The following SMCHD1 variants were observed in gnomAD, a reference collection of about 807,000 sequenced individuals.
SMCHD1 encodes the protein structural maintenance of chromosomes flexible hinge domain containing 1.
In SMCHD1, 78 loss-of-function variants were observed where a neutral mutation model predicts 254.7. The observed-to-expected ratio is 0.31, with a 90% CI of 0.26 to 0.37. The LOEUF (loss-of-function observed/expected upper bound fraction) is 0.37, where lower values mean the gene tolerates loss of function less well. SMCHD1 is among the 10% of genes least tolerant of loss of function. The probability of loss-of-function intolerance (pLI) is 1.00; values close to 1 mark genes in which losing one functional copy is unlikely to be tolerated. For missense variants in SMCHD1, 1,840 were observed against 2,408.1 expected, an observed-to-expected ratio of 0.76 and a Z score of 4.94; for synonymous variants, 766 against 794.9, an observed-to-expected ratio of 0.96 and a Z score of 0.61.
At chr18:2,788,944 T>G (rs1038457973) in intron 45 of SMCHD1, among the ~76,000 whole-genome samples, 3 of 152,234 alleles carry the variant, frequency 2.0e-5, no homozygotes, top group African/African-American at 7.2e-5. Context: ...GAAACATGCC[T>G]AAGCAAACAA....
chr18:2,768,665 A>ACTATATACTAC (rs2075916845), intron 37 of SMCHD1, among the ~76,000 whole-genome samples: 1 of 119,226 alleles, frequency 8.4e-6, no homozygotes, highest in Non-Finnish European at 1.9e-5. Flanking sequence ...AGTATAGTAT[A>ACTATATACTAC]TAGTGTACTA....
chr18:2,747,398 A>T (rs912906891), intron 29 of SMCHD1, 124 bp from the exon 30 acceptor site: 35 of 802,278 alleles, frequency 4.4e-5, no homozygotes, highest in Middle Eastern at 8.2e-4. Context: ...ATTTTCATTG[A>T]CCAAAGAAGC....
At chr18:2,736,840 G>A (rs1307844075) in intron 25 of SMCHD1, among the ~76,000 whole-genome samples, 1 of 152,176 alleles carries the variant, frequency 6.6e-6, no homozygotes, top group South Asian at 2.1e-4. Flanking sequence ...GAGCAGTTTG[G>A]AGATTTCTCA....
At chr18:2,698,342 T>G (rs1455876139) in intron 10 of SMCHD1, among the ~76,000 whole-genome samples, 1 of 152,190 alleles carries the variant, frequency 6.6e-6, no homozygotes, top group South Asian at 2.1e-4. Context: ...TTATCCTTGT[T>G]GCAGTTTTAC....
Position 2,771,540 on chromosome 18 carries a change from T to C in SMCHD1, c.4974T>C (p.Val1658=). 1 of 1,561,416 alleles carries C rather than the reference T, an allele frequency of 6.4e-7. No homozygotes were observed. The highest frequency in any genetic ancestry group is 8.6e-7 in the Non-Finnish European group (1 of 1,165,508). Reference sequence around the variant, plus strand: ...TTTGGTTTTTTATTTTAGGTCAAGTTGAAGAAGCAAGATTAAAAGAGGCCC... The same window carrying C: ...TTTGGTTTTTTATTTTAGGTCAAGTCGAAGAAGCAAGATTAAAAGAGGCCC... The part of the protein sequence containing the change: ...QQLLNEMKCQ[V]EEARLKEAQL... Residue 1658 remains valine, a synonymous_variant, in exon 40 of 48, where the codon GTT becomes GTC. Transcript: ENST00000320876.
chr18:2,770,822 T>A (rs2075966983), intron 39 of SMCHD1, among the ~76,000 whole-genome samples: 1 of 152,092 alleles, frequency 6.6e-6, no homozygotes, highest in South Asian at 2.1e-4. Flanking sequence ...GGTTTCACCA[T>A]GTTGGCCGGG....
intron 29 of SMCHD1, among the ~76,000 whole-genome samples, chr18:2,745,012 T>G (rs978210096): frequency 8.5e-5 from 13 of 152,162 alleles, no homozygotes; most frequent in African/African-American, 2.9e-4. Flanking sequence ...CCTGGCTAAT[T>G]TTGTATTTTA....
chr18:2,719,385 T>A (rs1289824555), intron 19 of SMCHD1, among the ~76,000 whole-genome samples: 1 of 151,510 alleles, frequency 6.6e-6, no homozygotes, highest in African/African-American at 2.4e-5. Flanking sequence ...AACCTCTGCC[T>A]CCCAGGTTCA....
intron 23 of SMCHD1, chr18:2,728,951 GA>G (rs370623037): frequency 9.3e-3 from 1,549 of 167,332 alleles, no homozygotes; most frequent in East Asian, 0.016. Context: ...TTACTTTAGG[GA>G]AAAAAAAAAA....
At chr18:2,796,760 T>C (rs1050001597) in intron 47 of SMCHD1, 1 of 429,816 alleles carries the variant, frequency 2.3e-6, no homozygotes, top group African/African-American at 2.1e-5. Context: ...TTTTGTATTT[T>C]TTTGTAGAGA....
chr18:2,751,999 A>T (rs1344916872), intron 33 of SMCHD1, among the ~76,000 whole-genome samples: 3 of 152,124 alleles, frequency 2.0e-5, no homozygotes, highest in Admixed American at 6.6e-5. Flanking sequence ...ATCAGTTCAG[A>T]CCAGCCACAT....
intron 36 of SMCHD1, among the ~76,000 whole-genome samples, 189 bp from the exon 37 acceptor site, chr18:2,763,448 A>G (rs761278152): frequency 6.6e-6 from 1 of 152,148 alleles, no homozygotes; most frequent in South Asian, 2.1e-4. Context: ...TTGTTCTTTT[A>G]TGGTTTCTGG....
intron 22 of SMCHD1, among the ~76,000 whole-genome samples, chr18:2,727,716 C>G (rs1187937615): frequency 6.6e-6 from 1 of 151,862 alleles, no homozygotes; most frequent in Non-Finnish European, 1.5e-5. Flanking sequence ...ATAATAGTAA[C>G]GTCTTCATTA....
At chr18:2,678,221 CTT>C (rs201082772) in intron 5 of SMCHD1, among the ~76,000 whole-genome samples, 3,888 of 41,450 alleles carry the variant, frequency 0.094, 107 homozygotes, top group African/African-American at 0.17. Flanking sequence ...TTCTTTCTTT[CTT>C]TTTCTTTCTT....
intron 29 of SMCHD1, among the ~76,000 whole-genome samples, chr18:2,744,818 G>GT (rs1301508409): frequency 6.6e-6 from 1 of 151,946 alleles, no homozygotes; most frequent in Admixed American, 6.6e-5. Flanking sequence ...GGCTTTAATG[G>GT]TTTTTTTGTT....
intron 5 of SMCHD1, among the ~76,000 whole-genome samples, chr18:2,680,833 C>T (rs938388465): frequency 2.0e-5 from 3 of 152,168 alleles, no homozygotes; most frequent in Non-Finnish European, 2.9e-5. Context: ...TTGATTTTGA[C>T]AGTTTTTTCA....
chr18:2,777,096 G>A (rs1033164887), intron 42 of SMCHD1, among the ~76,000 whole-genome samples: 28 of 144,722 alleles, frequency 1.9e-4, no homozygotes, highest in African/African-American at 7.2e-4. Flanking sequence ...TTTGTGAGAA[G>A]AATTTTTTTC....
Position 2,803,359 on chromosome 18 carries a change from G to C in SMCHD1, c.*807G>C, listed in dbSNP as rs143014541. On this transcript the variant is annotated 3_prime_UTR_variant, in exon 48 of 48. Transcript: ENST00000320876. ...AATTTTTTATTACTATTTTTAAGGG[G>C]TTAAAGAGAACATACATTCTCACAT... 2 of 151,428 alleles carry C rather than the reference G, an allele frequency of 1.3e-5. No individual in the cohort carries two copies. Among genetic ancestry groups the C allele is most frequent in the African/African-American group, 2.4e-5 (1 of 41,308 alleles). 9.4% of individuals were successfully genotyped at this position (151,428 alleles called of 1,614,324 possible). A position where few individuals can be genotyped will look rare whatever the true frequency, so the allele number is the denominator to read the frequency against.
intron 19 of SMCHD1, among the ~76,000 whole-genome samples, chr18:2,720,256 T>A (rs2074896378): frequency 6.6e-6 from 1 of 152,212 alleles, no homozygotes; most frequent in Non-Finnish European, 1.5e-5. Flanking sequence ...CTTAACAGCT[T>A]GATGTTCTAT....
Sources: allele counts gnomAD v4.1 joint callset (sites outside exome capture counted in the v4.1 genomes callset), GRCh38; gene constraint gnomAD v4.1.1; transcripts MANE v1.5; gene names NCBI Gene and HGNC (gene_info 2026-07-23, HGNC 2026-07-21).